Variants in CARMIL3 observed in about 807,000 individuals in gnomAD.
CARMIL3 encodes the protein capping protein regulator and myosin 1 linker 3.
Under a neutral mutation model 180.8 loss-of-function variants are expected in CARMIL3, and 88 were observed. The observed-to-expected ratio is 0.49, with a 90% CI of 0.41 to 0.58. The LOEUF (loss-of-function observed/expected upper bound fraction) is 0.58, where lower values mean the gene tolerates loss of function less well. Among genes scored for constraint, CARMIL3 ranks in the 20% least tolerant of loss-of-function variants. CARMIL3 has a pLI of 0.00. For synonymous variants in CARMIL3, 696 were observed against 714.5 expected, an observed-to-expected ratio of 0.97 and a Z score of 0.41; for missense variants, 1,548 against 1,787.0, an observed-to-expected ratio of 0.87 and a Z score of 2.41.
Position 24,059,039 on chromosome 14 carries a change from T to C in CARMIL3, c.1571+53T>C. 1.2e-6 allele frequency: 2 copies of C among 1,605,532 alleles called. No homozygotes were observed. Among genetic ancestry groups the C allele is most frequent in the Non-Finnish European group, 1.7e-6 (2 of 1,175,402 alleles). ...CCCTCATCCCATCATTCACCCATCC[T>C]CTTGGCTCACCGTATTACCTCTGGC... On this transcript the variant is annotated intron_variant, in intron 19 of 39. Coordinates refer to ENST00000342740, the MANE Select transcript of CARMIL3 (RefSeq NM_138360.4). The surrounding 1 kb of genome is among the most constrained non-coding windows in gnomAD (Gnocchi z 6.3).
At position 24,052,177 on chromosome 14, in the gene CARMIL3, CA is replaced by C; in HGVS notation, c.25del (p.Thr9ProfsTer12). 1 of 1,593,442 alleles carries C rather than the reference CA, an allele frequency of 6.3e-7. No individual in the cohort carries two copies. Among genetic ancestry groups the C allele is most frequent in the South Asian group, 1.1e-5 (1 of 88,590 alleles). On this transcript the variant is annotated frameshift_variant, in exon 1 of 40. Coordinates refer to ENST00000342740, the MANE Select transcript of CARMIL3 (RefSeq NM_138360.4). LOFTEE classifies it high-confidence loss of function. Reference protein sequence around the residue: MAKPSVELTRELQDSIRRC... With the variant: MAKPSVELXRELQDSIRRC... ...CCATGGCCAAGCCCAGCGTGGAGCT[CA>C]CCCGCGAGTTGCAAGGTACGAGGCT...
Position 24,052,105 on chromosome 14 carries a change from C to A in CARMIL3, c.-49C>A. ...GGGTCTAGCATGTGCCGCGGCTCCC[C>A]GGCGGCGGCGGCGGCTCCTCTGCAG... On this transcript the variant is annotated 5_prime_UTR_variant, in exon 1 of 40. Coordinates refer to ENST00000342740, the MANE Select transcript of CARMIL3 (RefSeq NM_138360.4). The A allele has an allele frequency of 6.9e-7, 1 of 1,454,696 alleles. No homozygotes were observed. Among genetic ancestry groups the A allele is most frequent in the South Asian group, 1.3e-5 (1 of 76,978 alleles). The allele number at this position is 1,454,696 out of a possible 1,614,324, so 90.1% of individuals were successfully genotyped here.
chr14:24,056,457 A>G (rs2035672926), intron 11 of CARMIL3, 64 bp downstream of exon 11: 10 of 1,550,898 alleles, frequency 6.4e-6, no homozygotes, highest in Non-Finnish European at 8.9e-6. Flanking sequence ...CCCAGAGCCC[A>G]ACCAGGTCTG....
In CARMIL3 at chr14:24,069,119, C is replaced by T; in HGVS notation, c.3983-18C>T. ...GAGCCCCACTCCTGTGTTAGGCCTG[C>T]CTTGATTGTTATTTCAGGGCCCCCT... is the stretch of plus-strand genomic sequence containing the variant. On this transcript the variant is annotated intron_variant, in intron 38 of 39. Coordinates refer to ENST00000342740, the MANE Select transcript of CARMIL3 (RefSeq NM_138360.4). The T allele has an allele frequency of 2.5e-6, 4 of 1,613,476 alleles. No individual in the cohort carries two copies. The highest frequency in any genetic ancestry group is 2.2e-5 in the East Asian group (1 of 44,880).
Position 24,058,198 on chromosome 14 carries a change from C to G in CARMIL3, c.1366C>G (p.Leu456Val), listed in dbSNP as rs2035694918. The change falls in exon 17 of 40, where the codon CTG becomes GTG. Residue 456 changes from leucine to valine, a missense_variant. Around this residue, in one of 4 missense-constraint regions of CARMIL3, gnomAD observed 578 missense variants for 666.5 expected, o/e 0.87. Coordinates refer to ENST00000342740, the MANE Select transcript of CARMIL3 (RefSeq NM_138360.4). The surrounding 1 kb of genome is among the most constrained non-coding windows in gnomAD (Gnocchi z 6.4). ...GLSLNSHLSD[L>V]HLDLSSCELR... ...CTCCCTCAACAGTCACCTCAGTGACCTGCACCTGGATCTCAGCAGCTGCGA... is the reference window on the plus strand; with the variant it reads ...CTCCCTCAACAGTCACCTCAGTGACGTGCACCTGGATCTCAGCAGCTGCGA... The G allele has an allele frequency of 6.2e-7, 1 of 1,613,814 alleles. No individual in the cohort carries two copies. Among genetic ancestry groups the G allele is most frequent in the African/African-American group, 1.3e-5 (1 of 75,036 alleles).
rs75583213 is a variant in CARMIL3 at position 24,056,882 on chromosome 14, G to C, written c.953-33G>C. ...TGCTGAGGGGAAGAGGTGGGGCTAGGGGCCAACCCAGCCCAGTGCCCGCTG... is the reference window on the plus strand; with the variant it reads ...TGCTGAGGGGAAGAGGTGGGGCTAGCGGCCAACCCAGCCCAGTGCCCGCTG... On this transcript the variant is annotated intron_variant, in intron 12 of 39. Transcript: ENST00000342740. 1.1e-4 allele frequency: 178 copies of C among 1,609,114 alleles called. No individual in the cohort carries two copies. The East Asian group carries it at 3.1e-3, about 28-fold the overall frequency.
In CARMIL3 at chr14:24,052,879, T is replaced by G. The variant is rs550926450; in HGVS notation, c.40+686T>G. 1.1e-3 allele frequency among the ~76,000 whole-genome samples: 170 copies of G among 152,318 alleles called. 1 individual carries two copies. Among genetic ancestry groups the G allele is most frequent in the African/African-American group, 4.0e-3 (166 of 41,576 alleles). On this transcript the variant is annotated intron_variant, in intron 1 of 39. Coordinates refer to ENST00000342740, the MANE Select transcript of CARMIL3 (RefSeq NM_138360.4). Reference sequence around the variant, plus strand: ...AAACCCAGGCCCGGCCACCCAGCACTGCCACAACCCTGACCCCCAGAGACG... The same window carrying G: ...AAACCCAGGCCCGGCCACCCAGCACGGCCACAACCCTGACCCCCAGAGACG...
rs1486707551 is a variant in CARMIL3, at chr14:24,054,817, G to A, written c.460+9G>A. 6 of 1,611,398 alleles carry A rather than the reference G, an allele frequency of 3.7e-6. No individual in the cohort carries two copies. The highest frequency in any genetic ancestry group is 5.1e-6 in the Non-Finnish European group (6 of 1,177,998). ...CACCCACAGTGTCTGCGGTGAGCAGGGGCAGATGTGAGGAAAGTAGGCGCT... is the reference window on the plus strand; with the variant it reads ...CACCCACAGTGTCTGCGGTGAGCAGAGGCAGATGTGAGGAAAGTAGGCGCT... On this transcript the variant is annotated intron_variant, in intron 6 of 39. Transcript: ENST00000342740. The surrounding 1 kb of genome is among the most constrained non-coding windows in gnomAD (Gnocchi z 5.1).
rs766709569 is a variant in CARMIL3, at chr14:24,054,764, C to G, written c.416C>G (p.Ser139Cys). Reference sequence around the variant, plus strand: ...ACCCCAGAGGGGCCCCGAGATACATCCCCCAACTCTGAGACTTCCACATCT... The same window carrying G: ...ACCCCAGAGGGGCCCCGAGATACATGCCCCAACTCTGAGACTTCCACATCT... ...ADTPEGPRDT[S>C]PNSETSTSTT... The change falls in exon 6 of 40, where the codon TCC becomes TGC. Residue 139 changes from serine (S) to cysteine (C), a missense_variant. By Grantham distance (112) the Ser-to-Cys change is moderately radical. Around this residue, in one of 4 missense-constraint regions of CARMIL3, gnomAD observed 578 missense variants for 666.5 expected, o/e 0.87. Transcript: ENST00000342740. The surrounding 1 kb of genome is among the most constrained non-coding windows in gnomAD (Gnocchi z 5.1). 4 of 1,614,008 alleles carry G rather than the reference C, an allele frequency of 2.5e-6. No individual in the cohort carries two copies. Among genetic ancestry groups the G allele is most frequent in the Non-Finnish European group, 3.4e-6 (4 of 1,180,010 alleles).
At position 24,069,728 on chromosome 14, in the gene CARMIL3, T is replaced by A. The variant is rs150201055; in HGVS notation, c.*324T>A. On this transcript the variant is annotated 3_prime_UTR_variant, in exon 40 of 40. Coordinates refer to ENST00000342740, the MANE Select transcript of CARMIL3 (RefSeq NM_138360.4). ...TGTATAGAATAAAAAAACAAAATCA[T>A]CGCCTGCCTCGAGTCTCTGCTATCT... 1.3e-3 allele frequency: 423 copies of A among 332,518 alleles called. 2 individuals are homozygous for A. The highest frequency in any genetic ancestry group is 8.3e-3 in the African/African-American group (391 of 47,324). The allele number at this position is 332,518 out of a possible 1,614,324, so 20.6% of individuals were successfully genotyped here. A position where few individuals can be genotyped will look rare whatever the true frequency, so the allele number is the denominator to read the frequency against.
intron 10 of CARMIL3, 48 bp downstream of exon 10, chr14:24,055,837 T>G: frequency 1.3e-6 from 2 of 1,547,646 alleles, no homozygotes; most frequent in Non-Finnish European, 1.8e-6. Flanking sequence ...TGATGTAGTT[T>G]TAGGGTCCCA....
chr14:24,068,485 A>T, intron 36 of CARMIL3, 99 bp from the exon 37 acceptor site: 1 of 1,023,464 alleles, frequency 9.8e-7, no homozygotes, highest in Non-Finnish European at 1.4e-6. Context: ...TTGGAGGGAG[A>T]AAGTCCTGGC....
At chr14:24,064,611 G>A (rs1306752126) in intron 32 of CARMIL3, among the ~76,000 whole-genome samples, 3 of 152,042 alleles carry the variant, frequency 2.0e-5, no homozygotes, top group Non-Finnish European at 4.4e-5. Context: ...AGGGAGGTGG[G>A]GGGCAGCCCT....
Position 24,064,273 on chromosome 14 carries a change from A to G in CARMIL3, c.3007A>G (p.Asn1003Asp). 6.2e-7 allele frequency: 1 copy of G among 1,612,742 alleles called. No homozygotes were observed. The highest frequency in any genetic ancestry group is 8.5e-7 in the Non-Finnish European group (1 of 1,179,496). ...SMPAPGTRQE[N>D]GMATRLDEGL... Reference sequence around the variant, plus strand: ...GCCAGCACCTGGGACTCGTCAGGAGAATGGGATGGCCACCCGCCTGGATGA... The same window carrying G: ...GCCAGCACCTGGGACTCGTCAGGAGGATGGGATGGCCACCCGCCTGGATGA... The change falls in exon 32 of 40, where the codon AAT (asparagine) becomes GAT (aspartate). Residue 1003 changes from asparagine to aspartate, a missense_variant. By Grantham distance (23) the Asn-to-Asp change is conservative (BLOSUM62 1). Around this residue, in one of 4 missense-constraint regions of CARMIL3, gnomAD observed 668 missense variants for 687.8 expected, o/e 0.97. Transcript: ENST00000342740.
intron 36 of CARMIL3, among the ~76,000 whole-genome samples, chr14:24,067,941 G>A (rs1195006542): frequency 2.0e-5 from 3 of 152,386 alleles, no homozygotes; most frequent in Middle Eastern, 3.4e-3. Context: ...CTGCAGCCTG[G>A]ATGGGCAGCA....
In CARMIL3 at chr14:24,065,151, C is replaced by T; in HGVS notation, c.3274C>T (p.Pro1092Ser). 7.4e-7 allele frequency: 1 copy of T among 1,351,804 alleles called. No homozygotes were observed. The highest frequency in any genetic ancestry group is 2.9e-5 in the Admixed American group (1 of 34,784). 83.7% of individuals were successfully genotyped at this position (1,351,804 alleles called of 1,614,324 possible). Reference protein sequence around the residue: ...PPPPPPTQESPPSPDPPSLGN... With the variant: ...PPPPPPTQESSPSPDPPSLGN... ...ACCCCCTCCCCCGACTCAGGAGAGCCCCCCTAGCCCAGACCCCCCAAGCCT... is the reference window on the plus strand; with the variant it reads ...ACCCCCTCCCCCGACTCAGGAGAGCTCCCCTAGCCCAGACCCCCCAAGCCT... The change falls in exon 33 of 40, where the codon CCC becomes TCC. Residue 1092 changes from proline to serine, a missense_variant. Physicochemically the swap from Pro to Ser is moderately conservative, Grantham distance 74. This residue lies in a region of CARMIL3 where 668 missense variants were observed against 687.8 expected (regional missense o/e 0.97). Coordinates refer to ENST00000342740, the MANE Select transcript of CARMIL3 (RefSeq NM_138360.4).
Position 24,055,572 on chromosome 14 carries a change from C to T in CARMIL3, c.635C>T (p.Ala212Val). Residue 212 changes from alanine (A) to valine (V), a missense_variant, in exon 9 of 40, where the codon GCC (alanine) becomes GTC (valine). Coordinates refer to ENST00000342740, the MANE Select transcript of CARMIL3 (RefSeq NM_138360.4). ...TTGGCCCTAATGGTAGCAGCCCTGG[C>T]CTACAACCAGTGGTTCACCAAACTC... ...RDLALMVAAL[A>V]YNQWFTKLYC... is the part of the protein sequence containing the mutation. 2 of 1,614,172 alleles carry T rather than the reference C, an allele frequency of 1.2e-6. No homozygotes were observed. Among genetic ancestry groups the T allele is most frequent in the South Asian group, 2.2e-5 (2 of 91,084 alleles).
rs2138825368 is a variant in CARMIL3 at position 24,069,703 on chromosome 14, T to C, written c.*299T>C. ...TATCCCCAGGGACTCTCTCCCCTCT[T>C]GTATAGAATAAAAAAACAAAATCAT... On this transcript the variant is annotated 3_prime_UTR_variant, in exon 40 of 40. Coordinates refer to ENST00000342740, the MANE Select transcript of CARMIL3 (RefSeq NM_138360.4). 4 of 440,338 alleles carry C rather than the reference T, an allele frequency of 9.1e-6. No individual in the cohort carries two copies. In the South Asian group the frequency reaches 1.7e-4, roughly 19 times the overall value. The allele number at this position is 440,338 out of a possible 1,614,324, so 27.3% of individuals were successfully genotyped here.
rs188127952 is a variant in CARMIL3 at position 24,068,322 on chromosome 14, G to A, written c.3683-262G>A. ...TGAGACAGGAGAATCGCTCAAACCC[G>A]AGAGGTGGAGGTTGCAGTGAGCCAA... On this transcript the variant is annotated intron_variant, in intron 36 of 39. Coordinates refer to ENST00000342740, the MANE Select transcript of CARMIL3 (RefSeq NM_138360.4). 4.4e-3 allele frequency among the ~76,000 whole-genome samples: 673 copies of A among 151,394 alleles called. 3 individuals are homozygous for A. The highest frequency in any genetic ancestry group is 0.026 in the South Asian group (124 of 4,784).
Sources: allele counts gnomAD v4.1 joint callset (sites outside exome capture counted in the v4.1 genomes callset), GRCh38; gene constraint gnomAD v4.1.1; regional missense constraint gnomAD v4.1.1; non-coding constraint Gnocchi (gnomAD v3.1); transcripts MANE v1.5; gene names NCBI Gene and HGNC (gene_info 2026-07-23, HGNC 2026-07-21).